The following ATP9B variants were observed in gnomAD, a reference collection of about 807,000 sequenced individuals.
ATP9B encodes the protein probable phospholipid-transporting ATPase IIB.
A neutral mutation model predicts 146.1 loss-of-function variants in ATP9B; 110 were observed. The observed-to-expected ratio is 0.75, with a 90% CI of 0.65 to 0.88. ATP9B has a LOEUF of 0.88. Ranked by LOEUF, ATP9B falls within the 40% of genes least tolerant of loss-of-function variation. ATP9B has a pLI of 0.00. For synonymous variants in ATP9B, 604 were observed against 569.7 expected, an observed-to-expected ratio of 1.06 and a Z score of -0.86; for missense variants, 1,499 against 1,496.4, an observed-to-expected ratio of 1.00 and a Z score of -0.03.
intron 12 of ATP9B, among the ~76,000 whole-genome samples, chr18:79,261,149 A>T (rs547267783): frequency 1.3e-5 from 2 of 152,098 alleles, no homozygotes; most frequent in Non-Finnish European, 1.5e-5. Context: ...TTGATGCTAT[A>T]ATAGGCCGAG....
intron 11 of ATP9B, among the ~76,000 whole-genome samples, chr18:79,251,749 A>G (rs1353451019): frequency 3.3e-5 from 5 of 152,230 alleles, no homozygotes; most frequent in African/African-American, 4.8e-5. Flanking sequence ...AAAGTTGCAG[A>G]TTTTTCAAAA....
chr18:79,167,600 C>T (rs2094991611), intron 7 of ATP9B, among the ~76,000 whole-genome samples: 1 of 152,254 alleles, frequency 6.6e-6, no homozygotes, highest in Non-Finnish European at 1.5e-5. Flanking sequence ...CTGGTAGTCC[C>T]AATTTCTGTG....
chr18:79,372,679 A>C (rs1162768480), intron 26 of ATP9B, 146 bp from the exon 27 acceptor site: 2 of 711,482 alleles, frequency 2.8e-6, no homozygotes, highest in Admixed American at 2.0e-5. Context: ...AGGCGCCCGA[A>C]ATGCTGGTAG....
In ATP9B at chr18:79,377,626, G is replaced by A. The variant is rs770487871; in HGVS notation, c.*243G>A. The A allele has an allele frequency of 7.5e-5, 41 of 548,290 alleles. No homozygotes were observed. The highest frequency in any genetic ancestry group is 5.5e-4 in the African/African-American group (28 of 51,250). The allele number at this position is 548,290 out of a possible 1,614,324, so 34.0% of individuals were successfully genotyped here. A position where few individuals can be genotyped will look rare whatever the true frequency, so the allele number is the denominator to read the frequency against. Reference sequence around the variant, plus strand: ...CAGGATGGCTTCTCCCTCTCAGTGCGAGGCTTCACCCCTGCCAGGCAAGCC... The same window carrying A: ...CAGGATGGCTTCTCCCTCTCAGTGCAAGGCTTCACCCCTGCCAGGCAAGCC... On this transcript the variant is annotated 3_prime_UTR_variant, in exon 30 of 30. Coordinates refer to ENST00000426216, the MANE Select transcript of ATP9B (RefSeq NM_198531.5).
chr18:79,074,681 G>A (rs542311), intron 1 of ATP9B, among the ~76,000 whole-genome samples: 20,170 of 152,238 alleles, frequency 0.13, 1,942 homozygotes, highest in African/African-American at 0.27. Context: ...CCCTTGGTGG[G>A]AGAGGGGAGT....
chr18:79,220,725 T>A (rs2095669247), intron 11 of ATP9B, among the ~76,000 whole-genome samples: 1 of 152,246 alleles, frequency 6.6e-6, no homozygotes. Context: ...GGGAGACAAG[T>A]CTTATATTCG....
Position 79,346,336 on chromosome 18 carries a change from A to G in ATP9B, c.2682+497A>G, listed in dbSNP as rs375250948. Among the ~76,000 whole-genome samples, 1,247 of 149,612 alleles carry G rather than the reference A, an allele frequency of 8.3e-3. 7 individuals are homozygous for G. Among genetic ancestry groups the G allele is most frequent in the Middle Eastern group, 0.042 (11 of 264 alleles). On this transcript the variant is annotated intron_variant, in intron 23 of 29. Transcript: ENST00000426216. ...CTCGTTTAGCACACTACACATGCTC[A>G]GCACACGGTCAGTGCACGTCAGCAC...
At chr18:79,199,873 A>T (rs777647394) in intron 9 of ATP9B, among the ~76,000 whole-genome samples, 1 of 152,144 alleles carries the variant, frequency 6.6e-6, no homozygotes, top group Non-Finnish European at 1.5e-5. Context: ...CTGCTGGAAG[A>T]TCTCCACGTG....
chr18:79,356,832 GGAT>G lies in ATP9B; in HGVS notation c.2904-2520_2904-2518del, dbSNP rs2147778222. On this transcript the variant is annotated intron_variant, in intron 25 of 29. Coordinates refer to ENST00000426216, the MANE Select transcript of ATP9B (RefSeq NM_198531.5). ...CTGGGTCTGGAGGTGTCTGTGTGAG[GGAT>G]GCTCTGGGTCTGGAGGTGTCCGTGT... 2.8e-5 allele frequency among the ~76,000 whole-genome samples: 2 copies of G among 71,982 alleles called. 1 individual carries two copies. Among genetic ancestry groups the G allele is most frequent in the Non-Finnish European group, 6.8e-5 (2 of 29,356 alleles). 47.2% of individuals were successfully genotyped at this position (71,982 alleles called of 152,430 possible).
intron 1 of ATP9B, among the ~76,000 whole-genome samples, chr18:79,071,398 C>CTTTTTTTTTTTTTTTTTTTTTTTT (rs747150962): frequency 1.4e-3 from 32 of 22,352 alleles, no homozygotes; most frequent in South Asian, 3.1e-3. Flanking sequence ...TATTGTTCTT[C>CTTTTTTTTTTTTTTTTTTTTTTTT]CTTTTTTTTT....
chr18:79,218,038 G>C lies in ATP9B; in HGVS notation c.1107+4000G>C, dbSNP rs140478271. On this transcript the variant is annotated intron_variant, in intron 11 of 29. Transcript: ENST00000426216. ...TATTTTTGAATGAGTAGTGGTTATC[G>C]GTCAGGATAGGCTGAGTCATGCTCT... is the stretch of plus-strand genomic sequence containing the variant. Among the ~76,000 whole-genome samples the C allele has an allele frequency of 3.1e-4, 47 of 152,326 alleles. No homozygotes were observed. In the East Asian group the frequency reaches 8.7e-3, roughly 28 times the overall value.
chr18:79,225,888 CTGTTGGGTCCCGCAGTTGCAG>C (rs1239013851), intron 11 of ATP9B, among the ~76,000 whole-genome samples: 22,632 of 146,132 alleles, frequency 0.15, 7,594 homozygotes, highest in South Asian at 0.23. Context: ...GTCTGAGTGA[CTGTTGGGTCCCGCAGTTGCAG>C]GGCGGCCACT....
chr18:79,196,169 A>C (rs1300404651), intron 9 of ATP9B, among the ~76,000 whole-genome samples: 4 of 152,200 alleles, frequency 2.6e-5, no homozygotes, highest in African/African-American at 9.6e-5. Flanking sequence ...GCTCAGGGGA[A>C]GAATGTGTGA....
intron 7 of ATP9B, among the ~76,000 whole-genome samples, chr18:79,175,509 C>T (rs2095150454): frequency 6.6e-6 from 1 of 152,142 alleles, no homozygotes; most frequent in South Asian, 2.1e-4. Flanking sequence ...CATTTGCATG[C>T]ATACAGATAC....
At position 79,111,974 on chromosome 18, in the gene ATP9B, A is replaced by C. The variant is rs115906362; in HGVS notation, c.445-1267A>C. ...TAATTTATGCTGAGATTTTAAAGAAATCACTAAGGAAAAAGCACTTTATTT... is the reference window on the plus strand; with the variant it reads ...TAATTTATGCTGAGATTTTAAAGAACTCACTAAGGAAAAAGCACTTTATTT... On this transcript the variant is annotated intron_variant, in intron 3 of 29. Coordinates refer to ENST00000426216, the MANE Select transcript of ATP9B (RefSeq NM_198531.5). Among the ~76,000 whole-genome samples, 256 of 152,362 alleles carry C rather than the reference A, an allele frequency of 1.7e-3. 2 individuals carry two copies. Among genetic ancestry groups the C allele is most frequent in the Non-Finnish European group, 2.8e-3 (189 of 68,040 alleles).
In ATP9B at chr18:79,239,800, G is replaced by A. The variant is rs1045584610; in HGVS notation, c.1108-13581G>A. ...CTCGAGAGCATTGTTTTGTGAGGGC[G>A]GTTGATCATCAGTTAATTATTACAC... On this transcript the variant is annotated intron_variant, in intron 11 of 29. Transcript: ENST00000426216. The surrounding 1 kb of genome is among the most constrained non-coding windows in gnomAD (Gnocchi z 5.1). 2.6e-5 allele frequency among the ~76,000 whole-genome samples: 4 copies of A among 152,128 alleles called. No homozygotes were observed. The highest frequency in any genetic ancestry group is 3.9e-4 in the East Asian group (2 of 5,190).
intron 11 of ATP9B, among the ~76,000 whole-genome samples, chr18:79,236,058 A>G (rs1025609895): frequency 6.6e-6 from 1 of 152,116 alleles, no homozygotes; most frequent in African/African-American, 2.4e-5. Context: ...TTCATTTCAC[A>G]TAATTCCGGT....
intron 4 of ATP9B, chr18:79,117,296 T>G (rs2094103310): frequency 6.6e-6 from 1 of 152,130 alleles, no homozygotes; most frequent in South Asian, 2.1e-4. Flanking sequence ...ACTAAAATTC[T>G]GGGAGAAAAG....
Position 79,163,625 on chromosome 18 carries a change from C to A in ATP9B, c.778+9070C>A, listed in dbSNP as rs78773128. On this transcript the variant is annotated intron_variant, in intron 7 of 29. Transcript: ENST00000426216. ...AACTTTAAAATAATATGCACTGCAA[C>A]CTTTCTTGTACTGCTTCTTAGTTGA... 7.3e-3 allele frequency among the ~76,000 whole-genome samples: 1,116 copies of A among 152,112 alleles called. 15 individuals carry two copies. The highest frequency in any genetic ancestry group is 0.025 in the African/African-American group (1,056 of 41,492).
Sources: allele counts gnomAD v4.1 joint callset (sites outside exome capture counted in the v4.1 genomes callset), GRCh38; gene constraint gnomAD v4.1.1; non-coding constraint Gnocchi (gnomAD v3.1); transcripts MANE v1.5; gene names NCBI Gene and HGNC (gene_info 2026-07-23, HGNC 2026-07-21).